TBCD: variants seen among roughly 807,000 people sequenced by gnomAD.
The protein encoded by TBCD is tubulin-specific chaperone D.
A neutral mutation model predicts 169.3 loss-of-function variants in TBCD; 105 were observed. The observed-to-expected ratio is 0.62, with a 90% CI of 0.53 to 0.73. The LOEUF is 0.73. Ranked by LOEUF, TBCD falls within the 30% of genes least tolerant of loss-of-function variation. TBCD has a pLI of 0.00. For synonymous variants in TBCD, 700 were observed against 643.9 expected (o/e 1.09, Z -1.32); for missense variants, 1,444 against 1,600.1 (o/e 0.90, Z 1.66).
chr17:82,911,904 G>A (rs1457590851), intron 23 of TBCD, 115 bp downstream of exon 23: 2 of 1,072,690 alleles, frequency 1.9e-6, no homozygotes, highest in Non-Finnish European at 2.8e-6. Context: ...AGGGCTGGGT[G>A]TGTTTCTTCT....
chr17:82,928,770 C>T (rs2061966466), intron 30 of TBCD, among the ~76,000 whole-genome samples: 1 of 152,138 alleles, frequency 6.6e-6, no homozygotes, highest in South Asian at 2.1e-4. Flanking sequence ...CTGTCCCCAT[C>T]ACTCTTCTCC....
intron 17 of TBCD, among the ~76,000 whole-genome samples, chr17:82,896,464 T>G (rs993260020): frequency 1.3e-5 from 2 of 148,826 alleles, no homozygotes; most frequent in African/African-American, 5.0e-5. Context: ...TTTTTTTTTT[T>G]TTTTTTTTTT....
In TBCD at chr17:82,752,162, T is replaced by A; in HGVS notation, c.-32T>A. 6.7e-7 allele frequency: 1 copy of A among 1,483,600 alleles called. No individual in the cohort carries two copies. The highest frequency in any genetic ancestry group is 8.9e-7 in the Non-Finnish European group (1 of 1,121,264). The allele number at this position is 1,483,600 out of a possible 1,614,324, so 91.9% of individuals were successfully genotyped here. On this transcript the variant is annotated 5_prime_UTR_variant, in exon 1 of 39. Transcript: ENST00000355528. Reference sequence around the variant, plus strand: ...TAGCGGAGTGGGATCTGCGAACACGTGAGGCGGGGGCGCGGTCCCCAGGCT... The same window carrying A: ...TAGCGGAGTGGGATCTGCGAACACGAGAGGCGGGGGCGCGGTCCCCAGGCT...
At chr17:82,936,597 T>C (rs1192620660) in intron 34 of TBCD, among the ~76,000 whole-genome samples, 1 of 152,192 alleles carries the variant, frequency 6.6e-6, no homozygotes, top group Non-Finnish European at 1.5e-5. Context: ...TAGTTTGCCT[T>C]TTCTGGGCAC....
intron 14 of TBCD, among the ~76,000 whole-genome samples, chr17:82,882,742 C>T (rs978937809): frequency 4.0e-5 from 6 of 151,574 alleles, no homozygotes; most frequent in African/African-American, 1.2e-4. Context: ...GGAGAACAGG[C>T]GGGATGCTGT....
chr17:82,772,418 A>G, intron 5 of TBCD, 34 bp from the exon 6 acceptor site: 2 of 1,613,106 alleles, frequency 1.2e-6, no homozygotes, highest in Non-Finnish European at 8.5e-7. Context: ...CGTGTGCAGG[A>G]GTGACCGTGT....
At position 82,928,007 on chromosome 17, in the gene TBCD, C is replaced by A; in HGVS notation, c.2693+19C>A. 6.2e-7 allele frequency: 1 copy of A among 1,605,566 alleles called. No individual in the cohort carries two copies. Among genetic ancestry groups the A allele is most frequent in the Non-Finnish European group, 8.5e-7 (1 of 1,178,038 alleles). On this transcript the variant is annotated intron_variant, in intron 30 of 38. Coordinates refer to ENST00000355528, the MANE Select transcript of TBCD (RefSeq NM_005993.5). ...CCCATACGTGAGTGTCACGTCGCAG[C>A]TCTTCTGCATCCTAGAGGGCAGCCC... is the stretch of plus-strand genomic sequence containing the variant.
rs2049027276 is a variant in TBCD, at chr17:82,782,712, T to TGGCGTCGTCCTCCTGTCCGC, written c.771+992_771+1011dup. Among the ~76,000 whole-genome samples the TGGCGTCGTCCTCCTGTCCGC allele has an allele frequency of 1.3e-5, 2 of 150,792 alleles. No individual in the cohort carries two copies. The highest frequency in any genetic ancestry group is 2.4e-5 in the African/African-American group (1 of 40,912). ...CCTCGCCACGGCGTCCTCCTGTCCGTGGCGTCGTCCTCCTGTCCGCAGCAT... is the reference window on the plus strand; with the variant it reads ...CCTCGCCACGGCGTCCTCCTGTCCGTGGCGTCGTCCTCCTGTCCGCGGCGTCGTCCTCCTGTCCGCAGCAT... On this transcript the variant is annotated intron_variant, in intron 7 of 38. Transcript: ENST00000355528. This position sits in a 1 kb window ranked among gnomAD's most constrained non-coding sequence, Gnocchi z 5.1.
At chr17:82,777,584 A>G (rs1036542364) in intron 6 of TBCD, among the ~76,000 whole-genome samples, 5 of 118,382 alleles carry the variant, frequency 4.2e-5, no homozygotes, top group African/African-American at 6.5e-5. Flanking sequence ...CAGCCGAGGC[A>G]GAGAGAGAGA....
At chr17:82,822,973 G>A (rs534301736) in intron 13 of TBCD, among the ~76,000 whole-genome samples, 6 of 152,290 alleles carry the variant, frequency 3.9e-5, no homozygotes, top group East Asian at 1.9e-4. Flanking sequence ...GGAAGCAGCC[G>A]ACATGGAAAC....
chr17:82,945,778 A>G lies in TBCD; in HGVS notation c.*3315A>G, dbSNP rs944723715. On this transcript the variant is annotated 3_prime_UTR_variant, in exon 39 of 39. Transcript: ENST00000355528. ...AAAAAAATGTCTCCAGACACTGCCAAATATCTTCTGGGGGTGCCCCTGGTT... is the reference window on the plus strand; with the variant it reads ...AAAAAAATGTCTCCAGACACTGCCAGATATCTTCTGGGGGTGCCCCTGGTT... The G allele has an allele frequency of 2.6e-5, 4 of 152,212 alleles. No individual in the cohort carries two copies. The highest frequency in any genetic ancestry group is 6.5e-5 in the Admixed American group (1 of 15,276). 9.4% of individuals were successfully genotyped at this position (152,212 alleles called of 1,614,324 possible). A position where few individuals can be genotyped will look rare whatever the true frequency, so the allele number is the denominator to read the frequency against.
chr17:82,816,848 TAAAAAAAAAA>T (rs35049574), intron 13 of TBCD, among the ~76,000 whole-genome samples: 1 of 115,776 alleles, frequency 8.6e-6, no homozygotes, highest in Non-Finnish European at 1.7e-5. Context: ...CCTGCTTCTT[TAAAAAAAAAA>T]AAAAAAAAAA....
chr17:82,915,113 G>A lies in TBCD; in HGVS notation c.2038+3324G>A, dbSNP rs139911568. 0.018 allele frequency among the ~76,000 whole-genome samples: 2,738 copies of A among 152,176 alleles called. 35 individuals are homozygous for A. Among genetic ancestry groups the A allele is most frequent in the Non-Finnish European group, 0.026 (1,754 of 68,002 alleles). On this transcript the variant is annotated intron_variant, in intron 23 of 38. Coordinates refer to ENST00000355528, the MANE Select transcript of TBCD (RefSeq NM_005993.5). This position sits in a 1 kb window ranked among gnomAD's most constrained non-coding sequence, Gnocchi z 4.3. ...GCTCTTGTCGGGGTGAGAAATCTGC[G>A]GGTTCACGGGCTACATGTGGGAGAC...
At chr17:82,941,783 T>C (rs924045961) in intron 38 of TBCD, 1 of 434,346 alleles carries the variant, frequency 2.3e-6, no homozygotes, top group Admixed American at 4.1e-5. Context: ...GGTCTGTTTG[T>C]GCTCCAAGTG....
chr17:82,803,947 C>T (rs1301815229), intron 9 of TBCD, among the ~76,000 whole-genome samples: 1 of 72,708 alleles, frequency 1.4e-5, no homozygotes, highest in Non-Finnish European at 2.5e-5. Flanking sequence ...GCCCGTGGGA[C>T]GTTAGGGGAG....
chr17:82,827,033 T>A (rs2052913687), intron 13 of TBCD, among the ~76,000 whole-genome samples: 1 of 152,218 alleles, frequency 6.6e-6, no homozygotes, highest in African/African-American at 2.4e-5. Context: ...GGCCTCTCAA[T>A]GTGCTGGGAT....
Position 82,766,365 on chromosome 17 carries a change from T to A in TBCD, c.432T>A (p.His144Gln). Residue 144 changes from histidine (H) to glutamine (Q), a missense_variant, in exon 4 of 39, where the codon CAT becomes CAA. Transcript: ENST00000355528. ...TCACAATTCAGAATCCCAAGGACCATGAAGTGAGTGTCTCTGCCTCCCCCC... is the reference window on the plus strand; with the variant it reads ...TCACAATTCAGAATCCCAAGGACCAAGAAGTGAGTGTCTCTGCCTCCCCCC... ...DLVTIQNPKD[H>Q]EAWETRYMLL... 1 of 1,610,266 alleles carries A rather than the reference T, an allele frequency of 6.2e-7. No homozygotes were observed. Among genetic ancestry groups the A allele is most frequent in the Non-Finnish European group, 8.5e-7 (1 of 1,177,916 alleles).
Position 82,864,237 on chromosome 17 carries a change from G to A in TBCD, c.1319-5987G>A, listed in dbSNP as rs890220239. ...TTGTGCTTCCAGGGCTCTTTGAAGC[G>A]TCTCACTTTTTAATTTCATGAAGAA... On this transcript the variant is annotated intron_variant, in intron 13 of 38. Transcript: ENST00000355528. This position sits in a 1 kb window ranked among gnomAD's most constrained non-coding sequence, Gnocchi z 6.3. 6.6e-6 allele frequency: 1 copy of A among 152,228 alleles called. No homozygotes were observed. The highest frequency in any genetic ancestry group is 2.4e-5 in the African/African-American group (1 of 41,448). The allele number at this position is 152,228 out of a possible 1,614,324, so 9.4% of individuals were successfully genotyped here.
rs1453175180 is a variant in TBCD, at chr17:82,852,424, TCA to T, written c.1319-17797_1319-17796del. On this transcript the variant is annotated intron_variant, in intron 13 of 38. Coordinates refer to ENST00000355528, the MANE Select transcript of TBCD (RefSeq NM_005993.5). Reference sequence around the variant, plus strand: ...GGCTCAAGCAGCACAAATGTATCCCTCACAGTTCTGGAGGCTGGGTGTCCAAG... The same window carrying T: ...GGCTCAAGCAGCACAAATGTATCCCTCAGTTCTGGAGGCTGGGTGTCCAAG... Among the ~76,000 whole-genome samples, 15 of 152,296 alleles carry T rather than the reference TCA, an allele frequency of 9.8e-5. No individual in the cohort carries two copies. The East Asian group carries it at 1.2e-3, about 12-fold the overall frequency.
Sources: gnomAD v4.1 joint callset for allele counts (sites outside exome capture counted in the v4.1 genomes callset) on GRCh38, gnomAD v4.1.1 for gene constraint, Gnocchi (gnomAD v3.1) non-coding constraint, MANE v1.5 for transcripts, NCBI Gene and HGNC (gene_info 2026-07-23, HGNC 2026-07-21) for gene names.